Variants in ARPC1A observed in about 807,000 individuals in gnomAD.
ARPC1A encodes actin-related protein 2/3 complex subunit 1A.
Under a neutral mutation model 46.9 loss-of-function variants are expected in ARPC1A, and 8 were observed. The ratio of observed to expected loss-of-function variants is 0.17; its 90% CI spans 0.10 to 0.31. ARPC1A has a LOEUF of 0.31. Ranked by LOEUF, ARPC1A falls within the 10% of genes least tolerant of loss-of-function variation. ARPC1A has a pLI of 1.00. For missense variants in ARPC1A, 286 were observed against 483.6 expected, an observed-to-expected ratio of 0.59 and a Z score of 3.83; for synonymous variants, 152 against 169.0, an observed-to-expected ratio of 0.90 and a Z score of 0.78.
intron 2 of ARPC1A, among the ~76,000 whole-genome samples, chr7:99,335,736 C>T (rs1247564981): frequency 3.9e-5 from 6 of 152,164 alleles, no homozygotes; most frequent in East Asian, 3.9e-4. Flanking sequence ...AGGCAGATCA[C>T]GAGGTCAGGA....
At chr7:99,365,776 C>A in intron 9 of ARPC1A, 115 bp from the exon 10 acceptor site, 1 of 1,129,180 alleles carries the variant, frequency 8.9e-7, no homozygotes, top group Non-Finnish European at 1.3e-6. Flanking sequence ...TGGGGCAGGG[C>A]CAGGTTCAGG....
chr7:99,355,487 A>G (rs947016986), intron 6 of ARPC1A, among the ~76,000 whole-genome samples: 3 of 152,012 alleles, frequency 2.0e-5, no homozygotes, highest in Admixed American at 2.0e-4. Context: ...GCTCACACCT[A>G]TAATCCCAGC....
Position 99,359,712 on chromosome 7 carries a change from G to A in ARPC1A, c.957G>A (p.Leu319=). ...RATTEDRNTA[L]ETLHQNSITQ... ...CAACTGAGGACCGCAACACGGCCTTGGAGACGCTGCACCAGAATAGCATCA... is the reference window on the plus strand; with the variant it reads ...CAACTGAGGACCGCAACACGGCCTTAGAGACGCTGCACCAGAATAGCATCA... Residue 319 remains leucine, a synonymous_variant, in exon 8 of 10, where the codon TTG becomes TTA. Coordinates refer to ENST00000262942, the MANE Select transcript of ARPC1A (RefSeq NM_006409.4). 6.2e-7 allele frequency: 1 copy of A among 1,614,168 alleles called. No homozygotes were observed. The highest frequency in any genetic ancestry group is 8.5e-7 in the Non-Finnish European group (1 of 1,180,048).
At position 99,354,119 on chromosome 7, in the gene ARPC1A, G is replaced by A. The variant is rs757035802; in HGVS notation, c.711G>A (p.Val237=). 2 of 1,613,202 alleles carry A rather than the reference G, an allele frequency of 1.2e-6. No homozygotes were observed. The change falls in exon 6 of 10, where the codon GTG becomes GTA. Residue 237 remains valine, a splice_region_variant and synonymous_variant. Transcript: ENST00000262942. The part of the protein sequence containing the change: ...TVSVADASKS[V]QVSTLKTEFL... ...CTGTTGCTGATGCCTCAAAAAGTGT[G>A]CAGTGAGTATTTGCCTTTCATTTGG...
intron 3 of ARPC1A, chr7:99,339,824 A>C (rs1033194100): frequency 6.2e-6 from 2 of 320,512 alleles, no homozygotes; most frequent in African/African-American, 4.2e-5. Flanking sequence ...GTATGTGTGA[A>C]TGTTTGTAGA....
chr7:99,330,543 G>A (rs1036213300), intron 1 of ARPC1A, among the ~76,000 whole-genome samples: 43 of 152,124 alleles, frequency 2.8e-4, no homozygotes, highest in African/African-American at 9.9e-4. Flanking sequence ...TCGAACTCCC[G>A]ACCTCAGGTG....
chr7:99,326,548 C>T (rs1025259650), intron 1 of ARPC1A, among the ~76,000 whole-genome samples: 1 of 152,192 alleles, frequency 6.6e-6, no homozygotes, highest in African/African-American at 2.4e-5. Flanking sequence ...CAAAATTGCA[C>T]CCTTCTCGGC....
At chr7:99,338,916 G>A (rs1014331602) in intron 3 of ARPC1A, among the ~76,000 whole-genome samples, 9 of 152,212 alleles carry the variant, frequency 5.9e-5, no homozygotes, top group South Asian at 2.1e-4. Context: ...GAAAACGTGC[G>A]CCAAACTATT....
At chr7:99,348,530 A>G (rs887290288) in intron 4 of ARPC1A, among the ~76,000 whole-genome samples, 1 of 152,178 alleles carries the variant, frequency 6.6e-6, no homozygotes, top group African/African-American at 2.4e-5. Flanking sequence ...AACATGGAGA[A>G]ATCTCATCTC....
intron 5 of ARPC1A, 58 bp from the exon 6 acceptor site, chr7:99,353,851 G>A (rs971397853): frequency 2.5e-5 from 39 of 1,539,314 alleles, no homozygotes; most frequent in Non-Finnish European, 8.9e-7. Flanking sequence ...CCTATGGCCT[G>A]TTTCTATATA....
intron 2 of ARPC1A, among the ~76,000 whole-genome samples, chr7:99,334,277 G>T (rs555155913): frequency 6.6e-6 from 1 of 151,798 alleles, no homozygotes; most frequent in East Asian, 1.9e-4. Flanking sequence ...CAGGAAAATC[G>T]CTTGAATCCG....
intron 6 of ARPC1A, among the ~76,000 whole-genome samples, chr7:99,355,948 C>T (rs1474061818): frequency 2.6e-5 from 4 of 152,184 alleles, no homozygotes; most frequent in Non-Finnish European, 5.9e-5. Flanking sequence ...ACTCGAATTA[C>T]GGTGGCTTCT....
rs775010861 is a variant in ARPC1A at position 99,342,816 on chromosome 7, G to A, written c.170-1477G>A. Among the ~76,000 whole-genome samples, 14 of 142,742 alleles carry A rather than the reference G, an allele frequency of 9.8e-5. No individual in the cohort carries two copies. In the South Asian group the frequency reaches 1.1e-3, roughly 12 times the overall value. The allele number at this position is 142,742 out of a possible 152,430, so 93.6% of individuals were successfully genotyped here. A position where few individuals can be genotyped will look rare whatever the true frequency, so the allele number is the denominator to read the frequency against. On this transcript the variant is annotated intron_variant, in intron 3 of 9. Coordinates refer to ENST00000262942, the MANE Select transcript of ARPC1A (RefSeq NM_006409.4). ...CGGCTCACTGTAAGCTCCGCCTCCC[G>A]GGTTCACACCATTCTCCTGCCTCAG...
At chr7:99,343,030 G>C (rs762727172) in intron 3 of ARPC1A, among the ~76,000 whole-genome samples, 1 of 152,024 alleles carries the variant, frequency 6.6e-6, no homozygotes, top group Non-Finnish European at 1.5e-5. Context: ...TGACTTATGG[G>C]TAATTGAGGC....
At chr7:99,330,614 C>G (rs1002892733) in intron 1 of ARPC1A, among the ~76,000 whole-genome samples, 7 of 152,202 alleles carry the variant, frequency 4.6e-5, no homozygotes, top group African/African-American at 1.4e-4. Flanking sequence ...CATGCCTGGC[C>G]TGGGTTCCTT....
intron 2 of ARPC1A, 59 bp from the exon 3 acceptor site, chr7:99,338,122 C>G: frequency 7.8e-7 from 1 of 1,286,728 alleles, no homozygotes; most frequent in Non-Finnish European, 1.1e-6. Context: ...GTGACATGTC[C>G]CCTTTTTGGT....
chr7:99,330,947 A>ATAGG (rs1371632253), intron 1 of ARPC1A, among the ~76,000 whole-genome samples: 2 of 152,222 alleles, frequency 1.3e-5, no homozygotes, highest in Non-Finnish European at 2.9e-5. Context: ...TACCTATAAA[A>ATAGG]TAGAGAATTT....
At chr7:99,339,422 G>A (rs1793323816) in intron 3 of ARPC1A, among the ~76,000 whole-genome samples, 1 of 152,144 alleles carries the variant, frequency 6.6e-6, no homozygotes, top group Non-Finnish European at 1.5e-5. Flanking sequence ...CCAGCTACTT[G>A]TGAGGCTGAA....
At chr7:99,342,988 C>T (rs1467656219) in intron 3 of ARPC1A, among the ~76,000 whole-genome samples, 1 of 151,952 alleles carries the variant, frequency 6.6e-6, no homozygotes, top group Non-Finnish European at 1.5e-5. Flanking sequence ...TCCCAAAGAG[C>T]CACCGCGCCC....
Sources: gnomAD v4.1 joint callset for allele counts (sites outside exome capture counted in the v4.1 genomes callset) on GRCh38, gnomAD v4.1.1 for gene constraint, MANE v1.5 for transcripts, NCBI Gene and HGNC (gene_info 2026-07-23, HGNC 2026-07-21) for gene names.